The following R3HDM2 variants were observed in gnomAD, a reference collection of about 807,000 sequenced individuals.
R3HDM2 encodes R3H domain containing 2, also known as R3H domain-containing protein 2.
Under a neutral mutation model 124.5 loss-of-function variants are expected in R3HDM2, and 38 were observed. That is an observed-to-expected ratio of 0.31 (90% CI 0.24 to 0.40). The LOEUF (loss-of-function observed/expected upper bound fraction) is 0.40, where lower values mean the gene tolerates loss of function less well. Ranked by LOEUF, R3HDM2 falls within the 10% of genes least tolerant of loss-of-function variation. R3HDM2 has a pLI of 1.00. For synonymous variants in R3HDM2, 391 were observed against 448.0 expected, an observed-to-expected ratio of 0.87 and a Z score of 1.61; for missense variants, 869 against 1,236.9, an observed-to-expected ratio of 0.70 and a Z score of 4.46.
At chr12:57,299,726 T>C (rs1019243640) in intron 5 of R3HDM2, among the ~76,000 whole-genome samples, 3 of 152,196 alleles carry the variant, frequency 2.0e-5, no homozygotes, top group African/African-American at 7.2e-5. Flanking sequence ...AGGTATTGAA[T>C]GGGAATGGTT....
intron 1 of R3HDM2, among the ~76,000 whole-genome samples, chr12:57,399,861 C>T (rs1447059671): frequency 6.6e-6 from 1 of 152,146 alleles, no homozygotes; most frequent in East Asian, 1.9e-4. Flanking sequence ...TGACAGCTAC[C>T]TTAATGGGAT....
intron 14 of R3HDM2, among the ~76,000 whole-genome samples, chr12:57,279,778 C>T (rs2045721011): frequency 6.6e-6 from 1 of 152,118 alleles, no homozygotes; most frequent in Non-Finnish European, 1.5e-5. Context: ...TTCACTTAAA[C>T]TCTAGTTGGT....
chr12:57,302,667 CAA>C (rs756266164), intron 4 of R3HDM2, among the ~76,000 whole-genome samples: 13 of 39,770 alleles, frequency 3.3e-4, no homozygotes, highest in East Asian at 8.6e-4. Flanking sequence ...AATTCCGTCT[CAA>C]AAAAAAAAAA....
chr12:57,401,552 A>T (rs2068052239), intron 1 of R3HDM2, among the ~76,000 whole-genome samples: 1 of 152,260 alleles, frequency 6.6e-6, no homozygotes, highest in Non-Finnish European at 1.5e-5. Context: ...CAGCCCACTT[A>T]AATCATAAAC....
chr12:57,275,294 C>T (rs991285696), intron 14 of R3HDM2, among the ~76,000 whole-genome samples: 2 of 152,228 alleles, frequency 1.3e-5, no homozygotes, highest in African/African-American at 4.8e-5. Flanking sequence ...GGATCTTCAT[C>T]TCTCACCTTA....
intron 14 of R3HDM2, among the ~76,000 whole-genome samples, chr12:57,270,570 C>T (rs966604098): frequency 1.3e-5 from 2 of 152,206 alleles, no homozygotes; most frequent in African/African-American, 2.4e-5. Flanking sequence ...GCTGGGATTA[C>T]AGGCATGTGC....
intron 2 of R3HDM2, among the ~76,000 whole-genome samples, chr12:57,395,396 C>T (rs528132693): frequency 9.9e-5 from 15 of 151,694 alleles, no homozygotes; most frequent in Non-Finnish European, 1.3e-4. Context: ...CCCAGCAACT[C>T]GGGAAGCTGA....
Position 57,258,945 on chromosome 12 carries a change from A to C in R3HDM2, c.2246T>G (p.Met749Arg). 1 of 1,612,528 alleles carries C rather than the reference A, an allele frequency of 6.2e-7. No individual in the cohort carries two copies. The highest frequency in any genetic ancestry group is 8.5e-7 in the Non-Finnish European group (1 of 1,179,914). Residue 749 changes from methionine to arginine, a missense_variant, in exon 20 of 24, where the codon ATG (methionine) becomes AGG (arginine). Transcript: ENST00000402412. ...VQWSHCKYYSMDQRGQKPGDL... is the reference protein window; with the variant it reads ...VQWSHCKYYSRDQRGQKPGDL... ...TCCAGGCTTCTGCCCCCGCTGGTCCATGCTGTAGTATTTACAATGACTCCA... is the reference window on the plus strand; with the variant it reads ...TCCAGGCTTCTGCCCCCGCTGGTCCCTGCTGTAGTATTTACAATGACTCCA...
intron 14 of R3HDM2, among the ~76,000 whole-genome samples, chr12:57,273,633 C>A (rs1228359532): frequency 6.6e-6 from 1 of 152,176 alleles, no homozygotes; most frequent in Non-Finnish European, 1.5e-5. Flanking sequence ...GTTAATATGG[C>A]AGAGCTGAGG....
At chr12:57,430,445 T>C (rs1160372545) in intron 1 of R3HDM2, 3 of 895,610 alleles carry the variant, frequency 3.3e-6, no homozygotes, top group East Asian at 2.4e-4. Context: ...GGCGCAATAG[T>C]TTTTAGGTCA....
At chr12:57,387,987 A>G (rs1340029599) in intron 2 of R3HDM2, among the ~76,000 whole-genome samples, 1 of 151,184 alleles carries the variant, frequency 6.6e-6, no homozygotes, top group African/African-American at 2.4e-5. Context: ...TTAAAAAGAC[A>G]AAGTCTTGCT....
intron 1 of R3HDM2, among the ~76,000 whole-genome samples, chr12:57,414,772 G>A (rs2069400821): frequency 6.6e-6 from 1 of 151,680 alleles, no homozygotes; most frequent in African/African-American, 2.4e-5. Flanking sequence ...GGAGGAGGTT[G>A]CAGTGAGCCA....
chr12:57,341,382 G>A (rs1360192026), intron 2 of R3HDM2: 42 of 979,906 alleles, frequency 4.3e-5, no homozygotes, highest in Non-Finnish European at 4.7e-5. Flanking sequence ...AAGGAAGAAC[G>A]CACCGCTTCA....
At chr12:57,272,595 AAG>A in intron 14 of R3HDM2, 1 of 377,062 alleles carries the variant, frequency 2.7e-6, no homozygotes, top group Non-Finnish European at 3.6e-6. Context: ...GGGAAGAGAA[AAG>A]AGAGGTGGGA....
intron 2 of R3HDM2, among the ~76,000 whole-genome samples, chr12:57,354,632 G>A (rs935514969): frequency 6.6e-6 from 1 of 151,838 alleles, no homozygotes; most frequent in African/African-American, 2.4e-5. Context: ...ATCTTTTCAT[G>A]TGCTGATTTT....
chr12:57,422,073 C>G lies in R3HDM2; in HGVS notation c.-106+8647G>C, dbSNP rs58908394. Among the ~76,000 whole-genome samples the G allele has an allele frequency of 2.5e-3, 315 of 124,252 alleles. 2 individuals are homozygous for G. The East Asian group carries it at 0.026, about 10-fold the overall frequency. The allele number at this position is 124,252 out of a possible 152,430, so 81.5% of individuals were successfully genotyped here. ...TGCCACTGCACTCCAGCCTGGGAGACAGAGGGAGACTCCGCCTAGCAAAAA... is the reference window on the plus strand; with the variant it reads ...TGCCACTGCACTCCAGCCTGGGAGAGAGAGGGAGACTCCGCCTAGCAAAAA... On this transcript the variant is annotated intron_variant, in intron 1 of 23. Coordinates refer to ENST00000402412, the MANE Select transcript of R3HDM2 (RefSeq NM_001394031.1).
At chr12:57,347,130 C>T (rs1375701390) in intron 2 of R3HDM2, among the ~76,000 whole-genome samples, 1 of 152,068 alleles carries the variant, frequency 6.6e-6, no homozygotes, top group African/African-American at 2.4e-5. Flanking sequence ...CCTACAGTCT[C>T]AGCTACTCAG....
chr12:57,388,320 T>G (rs915231212), intron 2 of R3HDM2, among the ~76,000 whole-genome samples: 2 of 152,194 alleles, frequency 1.3e-5, no homozygotes, highest in Admixed American at 6.6e-5. Context: ...GTGGCAACTA[T>G]CTGGGGCCAG....
At chr12:57,403,519 C>T (rs1351904114) in intron 1 of R3HDM2, among the ~76,000 whole-genome samples, 1 of 150,774 alleles carries the variant, frequency 6.6e-6, no homozygotes, top group East Asian at 2.0e-4. Flanking sequence ...TAAAAAAGAG[C>T]AAGATGGGGC....
Sources: allele counts gnomAD v4.1 joint callset (sites outside exome capture counted in the v4.1 genomes callset), GRCh38; gene constraint gnomAD v4.1.1; transcripts MANE v1.5; gene names NCBI Gene and HGNC (gene_info 2026-07-23, HGNC 2026-07-21).